ASTN2: variants seen among roughly 807,000 people sequenced by gnomAD.
ASTN2 encodes astrotactin-2.
ASTN2 carries 54 observed loss-of-function variants against 139.8 expected under a neutral mutation model. That is an observed-to-expected ratio of 0.39 (90% CI 0.31 to 0.48). The LOEUF (loss-of-function observed/expected upper bound fraction) is 0.48. Among genes scored for constraint, ASTN2 ranks in the 20% least tolerant of loss-of-function variants. The probability of loss-of-function intolerance (pLI) is 0.95; values close to 1 mark genes in which losing one functional copy is unlikely to be tolerated. For synonymous variants in ASTN2, 756 were observed against 719.5 expected (o/e 1.05, Z -0.81); for missense variants, 1,565 against 1,725.1 (o/e 0.91, Z 1.64).
chr9:117,061,139 TTTTATTTATTTATTTA>T lies in ASTN2; in HGVS notation c.1277-21190_1277-21175del, dbSNP rs71379255. ...CACAGTTACAAACTATACACCAGTC[TTTTATTTATTTATTTA>T]TTTATTTATTTATTTATTTATTTAT... On this transcript the variant is annotated intron_variant, in intron 5 of 22. Coordinates refer to ENST00000313400, the MANE Select transcript of ASTN2 (RefSeq NM_001365068.1). 3.2e-4 allele frequency among the ~76,000 whole-genome samples: 46 copies of T among 142,000 alleles called. No homozygotes were observed. In the East Asian group the frequency reaches 3.6e-3, roughly 11 times the overall value. 93.2% of individuals were successfully genotyped at this position (142,000 alleles called of 152,430 possible).
At chr9:117,359,061 T>G (rs1829625229) in intron 1 of ASTN2, among the ~76,000 whole-genome samples, 3 of 152,174 alleles carry the variant, frequency 2.0e-5, no homozygotes, top group Admixed American at 1.3e-4. Flanking sequence ...TCAGAGCCCT[T>G]TTCTCTGTGC....
chr9:116,455,976 C>G (rs1848320981), intron 20 of ASTN2, among the ~76,000 whole-genome samples: 1 of 152,066 alleles, frequency 6.6e-6, no homozygotes. Context: ...GATGCCCACT[C>G]TCATCACTGT....
chr9:117,068,924 G>A (rs376191212), intron 5 of ASTN2, among the ~76,000 whole-genome samples: 23,029 of 101,248 alleles, frequency 0.23, 3,099 homozygotes, highest in Admixed American at 0.34. Flanking sequence ...TCTTGCTAGC[G>A]GTCTATCAAT....
intron 10 of ASTN2, among the ~76,000 whole-genome samples, chr9:116,883,452 A>G (rs548620141): frequency 3.9e-5 from 6 of 152,296 alleles, no homozygotes; most frequent in Non-Finnish European, 5.9e-5. Context: ...TCTTCTGATA[A>G]CAGCACCTCC....
chr9:116,765,227 C>T (rs1829777885), intron 13 of ASTN2, among the ~76,000 whole-genome samples: 1 of 152,104 alleles, frequency 6.6e-6, no homozygotes, highest in African/African-American at 2.4e-5. Context: ...AGAGAAAGCC[C>T]TGTTCTCCTT....
chr9:117,275,645 A>C (rs1367739849), intron 2 of ASTN2, among the ~76,000 whole-genome samples: 1 of 145,906 alleles, frequency 6.9e-6, no homozygotes, highest in Non-Finnish European at 1.5e-5. Flanking sequence ...GGCTCACTGC[A>C]ACCTCCGCCT....
Position 116,699,179 on chromosome 9 carries a change from A to G in ASTN2, c.2806+26592T>C. The G allele has an allele frequency of 1.2e-6, 2 of 1,614,204 alleles. No individual in the cohort carries two copies. Among genetic ancestry groups the G allele is most frequent in the South Asian group, 2.2e-5 (2 of 91,086 alleles). On this transcript the variant is annotated intron_variant, in intron 16 of 22. Coordinates refer to ENST00000313400, the MANE Select transcript of ASTN2 (RefSeq NM_001365068.1). The surrounding 1 kb of genome is among the most constrained non-coding windows in gnomAD (Gnocchi z 4.2). ...AACCATGGGGTATCACAGCCTTGCCATCTGGCCAGTTTGTAGTAACCGATG... is the reference window on the plus strand; with the variant it reads ...AACCATGGGGTATCACAGCCTTGCCGTCTGGCCAGTTTGTAGTAACCGATG...
At chr9:116,903,966 C>A (rs1340280508) in intron 10 of ASTN2, among the ~76,000 whole-genome samples, 1 of 152,178 alleles carries the variant, frequency 6.6e-6, no homozygotes, top group Non-Finnish European at 1.5e-5. Flanking sequence ...CTTTCCAATG[C>A]CTGATCAATG....
intron 5 of ASTN2, among the ~76,000 whole-genome samples, chr9:117,053,945 A>T (rs1838984279): frequency 6.6e-6 from 1 of 152,114 alleles, no homozygotes; most frequent in Non-Finnish European, 1.5e-5. Flanking sequence ...CATTTTAGCA[A>T]AACCATGTAT....
At chr9:116,566,540 A>G (rs1853242476) in intron 19 of ASTN2, among the ~76,000 whole-genome samples, 1 of 152,204 alleles carries the variant, frequency 6.6e-6, no homozygotes, top group African/African-American at 2.4e-5. Flanking sequence ...GGTGCTTAGA[A>G]AATATTTCTA....
At chr9:117,378,801 C>T (rs1830190686) in intron 1 of ASTN2, among the ~76,000 whole-genome samples, 1 of 152,184 alleles carries the variant, frequency 6.6e-6, no homozygotes, top group African/African-American at 2.4e-5. Context: ...TCTGTGTCCC[C>T]ACCCGAATCT....
intron 19 of ASTN2, among the ~76,000 whole-genome samples, chr9:116,522,148 T>C (rs1850903863): frequency 6.6e-6 from 1 of 152,168 alleles, no homozygotes; most frequent in Non-Finnish European, 1.5e-5. Context: ...TTTGATCCAG[T>C]AATCCCACTA....
At chr9:116,819,329 C>G (rs1347077557) in intron 12 of ASTN2, among the ~76,000 whole-genome samples, 1 of 152,208 alleles carries the variant, frequency 6.6e-6, no homozygotes, top group Non-Finnish European at 1.5e-5. Context: ...GCCCTGCAGT[C>G]ACTTAAGCTG....
At chr9:116,711,648 T>C (rs2132096525) in intron 16 of ASTN2, among the ~76,000 whole-genome samples, 1 of 152,284 alleles carries the variant, frequency 6.6e-6, no homozygotes, top group South Asian at 2.1e-4. Context: ...GCTGCTCCTT[T>C]TTTATTTCAC....
chr9:117,374,207 A>G (rs1338083685), intron 1 of ASTN2, among the ~76,000 whole-genome samples: 2 of 152,012 alleles, frequency 1.3e-5, no homozygotes, highest in Middle Eastern at 3.2e-3. Context: ...ATCATCCAAG[A>G]CAGCCACTAA....
intron 4 of ASTN2, among the ~76,000 whole-genome samples, chr9:117,117,294 C>T (rs1564433777): frequency 1.3e-5 from 2 of 150,462 alleles, no homozygotes; most frequent in East Asian, 2.0e-4. Flanking sequence ...TTGCTATTTG[C>T]ACTTTTTCTT....
intron 1 of ASTN2, among the ~76,000 whole-genome samples, chr9:117,340,451 C>T (rs908075392): frequency 6.6e-6 from 1 of 151,374 alleles, no homozygotes; most frequent in Non-Finnish European, 1.5e-5. Context: ...ATGCCCGGTG[C>T]ACCCTGCTAA....
chr9:117,193,603 A>G (rs1831405898), intron 3 of ASTN2, among the ~76,000 whole-genome samples: 1 of 147,812 alleles, frequency 6.8e-6, no homozygotes, highest in Non-Finnish European at 1.5e-5. Flanking sequence ...GTGCTACTAC[A>G]CACTCCAGCC....
intron 4 of ASTN2, among the ~76,000 whole-genome samples, chr9:117,097,682 C>A (rs759472757): frequency 6.6e-6 from 1 of 152,042 alleles, no homozygotes. Context: ...CAATCAAGCA[C>A]CATGCAAACC....
Sources: gnomAD v4.1 joint callset for allele counts (sites outside exome capture counted in the v4.1 genomes callset) on GRCh38, gnomAD v4.1.1 for gene constraint, Gnocchi (gnomAD v3.1) non-coding constraint, MANE v1.5 for transcripts, NCBI Gene and HGNC (gene_info 2026-07-23, HGNC 2026-07-21) for gene names.